The following AFF1 variants were observed in gnomAD, a reference collection of about 807,000 sequenced individuals.
The protein encoded by AFF1 is AF4/FMR2 family member 1.
Under a neutral mutation model 121.7 loss-of-function variants are expected in AFF1, and 48 were observed. The ratio of observed to expected loss-of-function variants is 0.39; its 90% CI spans 0.31 to 0.50. The LOEUF (loss-of-function observed/expected upper bound fraction) is 0.50. Among genes scored for constraint, AFF1 ranks in the 20% least tolerant of loss-of-function variants. The pLI is 0.76. For missense variants in AFF1, 1,523 were observed against 1,511.7 expected (o/e 1.01, Z -0.12); for synonymous variants, 613 against 563.0 (o/e 1.09, Z -1.26).
chr4:87,033,080 T>A (rs1729221983), intron 2 of AFF1, among the ~76,000 whole-genome samples: 1 of 152,128 alleles, frequency 6.6e-6, no homozygotes, highest in Non-Finnish European at 1.5e-5. Context: ...AGCCCAGAAG[T>A]TGGAGGCTGC....
rs147860798 is a variant in AFF1 at position 87,105,640 on chromosome 4, C to T, written c.1296C>T (p.Asp432=). ...SQQGTSSMLE[D]DLQLSDSEDS... is the part of the protein sequence containing the mutation. Reference sequence around the variant, plus strand: ...CTGCCCATTCCAGCATGCTCGAAGACGACCTTCAGCTCAGTGACAGTGAGG... The same window carrying T: ...CTGCCCATTCCAGCATGCTCGAAGATGACCTTCAGCTCAGTGACAGTGAGG... Residue 432 remains aspartate, a synonymous_variant, in exon 9 of 21, where the codon GAC becomes GAT. Coordinates refer to ENST00000395146, the MANE Select transcript of AFF1 (RefSeq NM_001166693.3). The T allele has an allele frequency of 2.7e-5, 43 of 1,614,152 alleles. No individual in the cohort carries two copies. The highest frequency in any genetic ancestry group is 1.6e-4 in the African/African-American group (12 of 75,024).
chr4:87,125,069 A>T lies in AFF1; in HGVS notation c.2499A>T (p.Lys833Asn). ...CAGAAAGAGACTGTGATAACAAGAAAATCAGACTGGAGAAGGAAATCAAAT... is the reference window on the plus strand; with the variant it reads ...CAGAAAGAGACTGTGATAACAAGAATATCAGACTGGAGAAGGAAATCAAAT... ...GEAERDCDNK[K>N]IRLEKEIKSQ... Residue 833 changes from lysine (K) to asparagine (N), a missense_variant, in exon 13 of 21, where the codon AAA becomes AAT. Transcript: ENST00000395146. 6 of 1,609,020 alleles carry T rather than the reference A, an allele frequency of 3.7e-6. No individual in the cohort carries two copies. The highest frequency in any genetic ancestry group is 5.1e-6 in the Non-Finnish European group (6 of 1,177,348).
chr4:87,053,684 G>T (rs559641957), intron 4 of AFF1, among the ~76,000 whole-genome samples: 1 of 152,306 alleles, frequency 6.6e-6, no homozygotes, highest in African/African-American at 2.4e-5. Flanking sequence ...CCTGTTGTGT[G>T]CCAGGCCTGG....
intron 2 of AFF1, among the ~76,000 whole-genome samples, chr4:86,985,032 C>G (rs1724095780): frequency 6.7e-6 from 1 of 148,314 alleles, no homozygotes; most frequent in Non-Finnish European, 1.5e-5. Flanking sequence ...AAAAGAGATA[C>G]AAACAAAATC....
At chr4:86,989,769 A>T (rs1724554499) in intron 2 of AFF1, among the ~76,000 whole-genome samples, 1 of 152,224 alleles carries the variant, frequency 6.6e-6, no homozygotes, top group South Asian at 2.1e-4. Flanking sequence ...AAGACTTGGA[A>T]CCAACCCAAA....
chr4:86,968,323 A>G (rs1469441749), intron 2 of AFF1, among the ~76,000 whole-genome samples: 3 of 152,216 alleles, frequency 2.0e-5, no homozygotes, highest in Non-Finnish European at 4.4e-5. Flanking sequence ...CAATTAATAC[A>G]TTAAATAATT....
intron 1 of AFF1, among the ~76,000 whole-genome samples, chr4:86,946,227 G>A (rs1009628678): frequency 1.3e-5 from 2 of 152,046 alleles, no homozygotes; most frequent in Non-Finnish European, 2.9e-5. Flanking sequence ...ACGTAGAACC[G>A]CAATACCCTA....
chr4:87,026,061 CTTT>C (rs34793575), intron 2 of AFF1, among the ~76,000 whole-genome samples: 5 of 109,712 alleles, frequency 4.6e-5, no homozygotes, highest in South Asian at 3.1e-4. Context: ...AGAGACCATG[CTTT>C]TTTTTTTTTT....
chr4:87,046,963 C>T lies in AFF1; in HGVS notation c.428C>T (p.Ala143Val), dbSNP rs771430275. 24 of 1,614,096 alleles carry T rather than the reference C, an allele frequency of 1.5e-5. No homozygotes were observed. Among genetic ancestry groups the T allele is most frequent in the East Asian group, 1.1e-4 (5 of 44,892 alleles). Reference protein sequence around the residue: ...VGNISHNPKMAQPRTEPMPSL... With the variant: ...VGNISHNPKMVQPRTEPMPSL... ...AACATTAGCCACAATCCAAAGATGG[C>T]GCAGCCAAGAACTGAACCAATGCCA... Residue 143 changes from alanine (A) to valine (V), a missense_variant, in exon 4 of 21, where the codon GCG becomes GTG. Transcript: ENST00000395146.
At chr4:87,015,641 G>A (rs1446132766) in intron 2 of AFF1, among the ~76,000 whole-genome samples, 1 of 152,062 alleles carries the variant, frequency 6.6e-6, no homozygotes, top group Non-Finnish European at 1.5e-5. Context: ...TTACCCTTAG[G>A]GCAGGGAGGG....
intron 2 of AFF1, among the ~76,000 whole-genome samples, chr4:86,958,091 CTTTTTTTT>C (rs36035943): frequency 9.3e-6 from 1 of 107,108 alleles, no homozygotes; most frequent in African/African-American, 3.6e-5. Flanking sequence ...TTTTTTTTTC[CTTTTTTTT>C]TTTTTTTTTT....
intron 2 of AFF1, among the ~76,000 whole-genome samples, chr4:87,022,614 C>CGTGTATATA (rs1728095370): frequency 3.9e-5 from 3 of 76,334 alleles, no homozygotes; most frequent in East Asian, 5.1e-4. Context: ...GTATATATAT[C>CGTGTATATA]TGTGTGTGTA....
chr4:87,132,959 G>T lies in AFF1; in HGVS notation c.3311+551G>T, dbSNP rs896253422. 4.6e-5 allele frequency among the ~76,000 whole-genome samples: 7 copies of T among 152,362 alleles called. No individual in the cohort carries two copies. In the East Asian group the frequency reaches 1.4e-3, roughly 29 times the overall value. On this transcript the variant is annotated intron_variant, in intron 19 of 20. Transcript: ENST00000395146. ...TCTGCCTGCCTTGGCCTCCCAAAGT[G>T]CGGGGATGCCACAGGCGTGAGCCAC...
intron 1 of AFF1, among the ~76,000 whole-genome samples, chr4:86,942,373 A>T (rs928798417): frequency 6.6e-6 from 1 of 152,328 alleles, no homozygotes; most frequent in South Asian, 2.1e-4. Context: ...ATCTGTCCAG[A>T]TAAGCAGTGA....
At chr4:87,110,037 G>A (rs1421319489) in intron 11 of AFF1, among the ~76,000 whole-genome samples, 1 of 151,908 alleles carries the variant, frequency 6.6e-6, no homozygotes, top group Admixed American at 6.6e-5. Context: ...TAAATTTCTG[G>A]TGTTGTTTCA....
At chr4:87,000,901 A>C (rs1725659410) in intron 2 of AFF1, among the ~76,000 whole-genome samples, 1 of 152,114 alleles carries the variant, frequency 6.6e-6, no homozygotes, top group African/African-American at 2.4e-5. Flanking sequence ...AAAAACTGTA[A>C]ATCTTTATTC....
intron 10 of AFF1, among the ~76,000 whole-genome samples, chr4:87,107,650 G>T (rs997368659): frequency 1.3e-5 from 2 of 152,182 alleles, no homozygotes; most frequent in South Asian, 4.1e-4. Context: ...AAATTAATTT[G>T]ATTTGGTTAT....
chr4:87,121,528 A>C (rs1343920409), intron 12 of AFF1, among the ~76,000 whole-genome samples: 1 of 152,230 alleles, frequency 6.6e-6, no homozygotes, highest in Non-Finnish European at 1.5e-5. Context: ...ACTCTGGGGA[A>C]GCCTCTGTGG....
intron 4 of AFF1, among the ~76,000 whole-genome samples, chr4:87,058,794 C>A (rs1363247764): frequency 1.3e-5 from 2 of 152,190 alleles, no homozygotes; most frequent in African/African-American, 4.8e-5. Flanking sequence ...ACTGTTCCTG[C>A]TTCCTCTCCT....
Sources: allele counts gnomAD v4.1 joint callset (sites outside exome capture counted in the v4.1 genomes callset), GRCh38; gene constraint gnomAD v4.1.1; transcripts MANE v1.5; gene names NCBI Gene and HGNC (gene_info 2026-07-23, HGNC 2026-07-21).